The following PER2 variants were observed in gnomAD, a reference collection of about 807,000 sequenced individuals.
PER2 encodes period circadian protein homolog 2.
PER2 carries 66 observed loss-of-function variants against 121.0 expected under a neutral mutation model. The observed-to-expected ratio is 0.55, with a 90% CI of 0.45 to 0.67. The LOEUF is 0.67. Ranked by LOEUF, PER2 falls within the 30% of genes least tolerant of loss-of-function variation. PER2 has a pLI of 0.00. For missense variants in PER2, 1,521 were observed against 1,635.0 expected (o/e 0.93, Z 1.20); for synonymous variants, 684 against 659.9 (o/e 1.04, Z -0.56).
upstream of PER2, among the ~76,000 whole-genome samples, chr2:238,293,092 C>A (rs999471715): frequency 6.6e-6 from 1 of 151,356 alleles, no homozygotes; most frequent in Non-Finnish European, 1.5e-5. Flanking sequence ...TAATCCATGG[C>A]AATAGTTATT....
At chr2:238,275,668 C>T (rs1326917032) in intron 4 of PER2, 75 bp downstream of exon 4, 2 of 1,501,874 alleles carry the variant, frequency 1.3e-6, no homozygotes, top group South Asian at 1.1e-5. Flanking sequence ...AAAGTCAACA[C>T]AATCCAAGCT....
intron 12 of PER2, 87 bp downstream of exon 12, chr2:238,261,642 G>T: frequency 2.4e-6 from 2 of 828,826 alleles, no homozygotes; most frequent in Non-Finnish European, 2.0e-6. Context: ...GAGTGGGTGT[G>T]CCAGGACCAG....
At position 238,260,016 on chromosome 2, in the gene PER2, C is replaced by T; in HGVS notation, c.1580G>A (p.Ser527Asn). 6.6e-7 allele frequency: 1 copy of T among 1,509,542 alleles called. No individual in the cohort carries two copies. Among genetic ancestry groups the T allele is most frequent in the Non-Finnish European group, 9.2e-7 (1 of 1,090,218 alleles). 93.5% of individuals were successfully genotyped at this position (1,509,542 alleles called of 1,614,324 possible). The change falls in exon 14 of 23, where the codon AGT (serine) becomes AAT (asparagine). Residue 527 changes from serine to asparagine, a missense_variant. Physicochemically the swap from Ser to Asn is conservative, Grantham distance 46. Transcript: ENST00000254657. Reference sequence around the variant, plus strand: ...TTCTCCAGATTCATGAGAATAATGACTTCTATTTTTGGTCTTGTTACCATT... The same window carrying T: ...TTCTCCAGATTCATGAGAATAATGATTTCTATTTTTGGTCTTGTTACCATT... ...CKNGNKTKNR[S>N]HYSHESGEQK...
chr2:238,262,371 G>C (rs749839157), intron 10 of PER2, 27 bp from the exon 11 acceptor site: 1 of 1,612,374 alleles, frequency 6.2e-7, no homozygotes, highest in Admixed American at 1.7e-5. Flanking sequence ...CAGCATTCAG[G>C]GGAAAAGGGG....
At chr2:238,275,634 G>T in intron 4 of PER2, 109 bp downstream of exon 4, 1 of 1,218,606 alleles carries the variant, frequency 8.2e-7, no homozygotes, top group Non-Finnish European at 1.2e-6. Context: ...GCTGCAGTGA[G>T]CTGCGATGAG....
At chr2:238,281,626 T>C (rs1161287861) in intron 1 of PER2, among the ~76,000 whole-genome samples, 3 of 152,186 alleles carry the variant, frequency 2.0e-5, no homozygotes, top group East Asian at 1.9e-4. Context: ...AAAAGATTTG[T>C]GAACTTGTAG....
At chr2:238,271,992 C>T (rs1486848459) in intron 5 of PER2, among the ~76,000 whole-genome samples, 1 of 152,168 alleles carries the variant, frequency 6.6e-6, no homozygotes, top group Non-Finnish European at 1.5e-5. Flanking sequence ...AGCCCCCTCA[C>T]CCTAAAACCA....
At chr2:238,257,163 T>G in intron 16 of PER2, 77 bp from the exon 17 acceptor site, 1 of 1,374,910 alleles carries the variant, frequency 7.3e-7, no homozygotes, top group Non-Finnish European at 1.0e-6. Context: ...GACACCCAAG[T>G]GCCCATACAG....
At chr2:238,260,730 G>A (rs1463806405) in intron 13 of PER2, 98 bp downstream of exon 13, 1 of 1,336,982 alleles carries the variant, frequency 7.5e-7, no homozygotes, top group African/African-American at 1.4e-5. Flanking sequence ...CAATCAGGAA[G>A]CCCCTCCTAA....
intron 8 of PER2, among the ~76,000 whole-genome samples, chr2:238,266,136 CT>C (rs1342835132): frequency 1.3e-5 from 2 of 152,150 alleles, no homozygotes; most frequent in Non-Finnish European, 2.9e-5. Flanking sequence ...ATCTCCTGAC[CT>C]CGTGATCCGC....
At chr2:238,294,711 A>C (rs917620902), upstream of PER2, among the ~76,000 whole-genome samples, 2 of 152,200 alleles carry the variant, frequency 1.3e-5, no homozygotes, top group African/African-American at 4.8e-5. Context: ...CTTTGTCTGC[A>C]GAAAGATCTC....
chr2:238,289,409 G>A (rs1261353005), upstream of PER2: 1 of 152,254 alleles, frequency 6.6e-6, no homozygotes, highest in Non-Finnish European at 1.5e-5. Context: ...GGTGCCTGTG[G>A]TCGACACTTG....
chr2:238,269,057 A>G (rs1696202842), intron 6 of PER2, 83 bp from the exon 7 acceptor site: 1 of 1,054,270 alleles, frequency 9.5e-7, no homozygotes, highest in Admixed American at 1.7e-5. Flanking sequence ...AAAGAGGAGC[A>G]GCAGAATCAA....
upstream of PER2, among the ~76,000 whole-genome samples, chr2:238,294,785 C>G (rs931148358): frequency 6.6e-6 from 1 of 152,198 alleles, no homozygotes; most frequent in Non-Finnish European, 1.5e-5. Flanking sequence ...CAGGGAAGGC[C>G]GCAAAGTCAG....
rs1695951544 is a variant in PER2, at chr2:238,262,113, T to C, written c.1307+78A>G. On this transcript the variant is annotated intron_variant, in intron 11 of 22. Coordinates refer to ENST00000254657, the MANE Select transcript of PER2 (RefSeq NM_022817.3). ...GGCCTCTCAGCCCCTCCCTATGCCA[T>C]CTGTTGCTGGGAGGTGAGGACAGCC... is the stretch of plus-strand genomic sequence containing the variant. 7 of 1,355,594 alleles carry C rather than the reference T, an allele frequency of 5.2e-6. No individual in the cohort carries two copies. The South Asian group carries it at 8.2e-5, about 16-fold the overall frequency. 84.0% of individuals were successfully genotyped at this position (1,355,594 alleles called of 1,614,324 possible).
chr2:238,267,951 A>G, intron 8 of PER2, 105 bp downstream of exon 8: 1 of 1,301,016 alleles, frequency 7.7e-7, no homozygotes, highest in Non-Finnish European at 1.1e-6. Context: ...AAGGCTGGGG[A>G]ACTGCAGCGG....
At chr2:238,279,360 T>C (rs2106326834) in intron 1 of PER2, among the ~76,000 whole-genome samples, 1 of 152,238 alleles carries the variant, frequency 6.6e-6, no homozygotes, top group East Asian at 1.9e-4. Context: ...GTCTACATGG[T>C]GCGCAGGAGA....
intron 16 of PER2, 78 bp from the exon 17 acceptor site, chr2:238,257,164 G>T: frequency 7.4e-7 from 1 of 1,351,542 alleles, no homozygotes; most frequent in Non-Finnish European, 1.0e-6. Flanking sequence ...ACACCCAAGT[G>T]CCCATACAGC....
rs1329118041 is a variant in PER2, at chr2:238,268,112, G to A, written c.911C>T (p.Ala304Val). 1.2e-6 allele frequency: 2 copies of A among 1,614,166 alleles called. No individual in the cohort carries two copies. The highest frequency in any genetic ancestry group is 1.1e-5 in the South Asian group (1 of 91,092). ...YLVKVRDQQG[A>V]ESQLCCLLLA... ...CAGAAGGCAGCAAAGCTGACTCTCA[G>A]CACCTTGTTGGTCCCGCACCTTGAC... Residue 304 changes from alanine (A) to valine (V), a missense_variant, in exon 8 of 23, where the codon GCT becomes GTT. Physicochemically the swap from Ala to Val is moderately conservative, Grantham distance 64. Coordinates refer to ENST00000254657, the MANE Select transcript of PER2 (RefSeq NM_022817.3). This position sits in a 1 kb window ranked among gnomAD's most constrained non-coding sequence, Gnocchi z 4.0.
Sources: allele counts gnomAD v4.1 joint callset (sites outside exome capture counted in the v4.1 genomes callset), GRCh38; gene constraint gnomAD v4.1.1; non-coding constraint Gnocchi (gnomAD v3.1); transcripts MANE v1.5; gene names NCBI Gene and HGNC (gene_info 2026-07-23, HGNC 2026-07-21).